The following EPC2 variants were observed in gnomAD, a reference collection of about 807,000 sequenced individuals.
The protein encoded by EPC2 is enhancer of polycomb homolog 2.
In EPC2, 14 loss-of-function variants were observed where a neutral mutation model predicts 92.1. That is an observed-to-expected ratio of 0.15 (90% CI 0.10 to 0.24). The LOEUF is 0.24. Ranked by LOEUF, EPC2 falls within the 10% of genes least tolerant of loss-of-function variation. The probability of loss-of-function intolerance (pLI) is 1.00; values close to 1 mark genes in which losing one functional copy is unlikely to be tolerated. For missense variants in EPC2, 755 were observed against 971.5 expected (o/e 0.78, Z 2.96); for synonymous variants, 340 against 334.7 (o/e 1.02, Z -0.17).
intron 2 of EPC2, among the ~76,000 whole-genome samples, chr2:148,725,920 T>A (rs1280739549): frequency 6.6e-6 from 1 of 152,202 alleles, no homozygotes; most frequent in Non-Finnish European, 1.5e-5. Flanking sequence ...CTAAAACTTT[T>A]ACATTTTGTA....
At chr2:148,692,967 T>C (rs571876732) in intron 2 of EPC2, 22 of 152,270 alleles carry the variant, frequency 1.4e-4, no homozygotes, top group South Asian at 4.1e-4. Flanking sequence ...ACTGCACATA[T>C]GATATTTATT....
intron 11 of EPC2, 77 bp downstream of exon 11, chr2:148,781,857 C>T (rs1368808763): frequency 1.3e-6 from 2 of 1,547,016 alleles, no homozygotes; most frequent in Non-Finnish European, 1.8e-6. Context: ...AGTCAAGTCA[C>T]AGAAGATAAT....
At chr2:148,725,195 TTTTTA>T (rs1250427182) in intron 2 of EPC2, among the ~76,000 whole-genome samples, 4 of 152,126 alleles carry the variant, frequency 2.6e-5, no homozygotes, top group Admixed American at 2.0e-4. Context: ...TTTGTTTTAC[TTTTTA>T]TTTTGAGACT....
chr2:148,660,884 T>C (rs1266224613), intron 1 of EPC2, among the ~76,000 whole-genome samples: 1 of 152,036 alleles, frequency 6.6e-6, no homozygotes, highest in African/African-American at 2.4e-5. Context: ...CTTCAGAATT[T>C]TTTTTGTGTG....
chr2:148,685,539 T>C (rs1284811580), intron 1 of EPC2, among the ~76,000 whole-genome samples: 6 of 152,180 alleles, frequency 3.9e-5, no homozygotes, highest in Admixed American at 1.3e-4. Flanking sequence ...GGTGGGCAGA[T>C]CACGAGGTCA....
chr2:148,683,354 A>AC (rs1344211047), intron 1 of EPC2, among the ~76,000 whole-genome samples: 1 of 148,506 alleles, frequency 6.7e-6, no homozygotes, highest in Non-Finnish European at 1.5e-5. Flanking sequence ...TGCAACCTCC[A>AC]CCTCCCGGGT....
At chr2:148,767,917 T>C (rs1683447856) in intron 7 of EPC2, among the ~76,000 whole-genome samples, 1 of 152,180 alleles carries the variant, frequency 6.6e-6, no homozygotes, top group South Asian at 2.1e-4. Context: ...GGAACCAAAG[T>C]GTAAAATTCA....
At chr2:148,658,607 G>GTATGTA (rs1680856570) in intron 1 of EPC2, among the ~76,000 whole-genome samples, 1 of 141,262 alleles carries the variant, frequency 7.1e-6, no homozygotes, top group South Asian at 2.4e-4. Context: ...GTGTGTGTGT[G>GTATGTA]TATATATATA....
At chr2:148,699,039 G>C (rs969986132) in intron 2 of EPC2, among the ~76,000 whole-genome samples, 1 of 151,900 alleles carries the variant, frequency 6.6e-6, no homozygotes, top group African/African-American at 2.4e-5. Context: ...AGTAATGAAG[G>C]TTTTTGTTTC....
intron 1 of EPC2, among the ~76,000 whole-genome samples, chr2:148,681,300 G>C (rs1384524074): frequency 6.6e-6 from 1 of 152,060 alleles, no homozygotes; most frequent in Admixed American, 6.5e-5. Context: ...CACTGAAGAC[G>C]TGACATTTTA....
At position 148,769,140 on chromosome 2, in the gene EPC2, C is replaced by CT. The variant is rs772106257; in HGVS notation, c.1141-7dup. On this transcript the variant is annotated splice_polypyrimidine_tract_variant and intron_variant, in intron 7 of 13. Coordinates refer to ENST00000258484, the MANE Select transcript of EPC2 (RefSeq NM_015630.4). ...TTGATAACTTCTAAATGGAATGCCT[C>CT]TTTTGTCTAGGTATTGTCCCCAGTA... 15 of 1,599,814 alleles carry CT rather than the reference C, an allele frequency of 9.4e-6. No individual in the cohort carries two copies. The highest frequency in any genetic ancestry group is 1.7e-5 in the Admixed American group (1 of 59,280).
intron 1 of EPC2, among the ~76,000 whole-genome samples, chr2:148,671,198 A>G (rs1206219560): frequency 1.3e-5 from 2 of 151,204 alleles, no homozygotes; most frequent in African/African-American, 4.9e-5. Flanking sequence ...TGGTACTTGC[A>G]TATCTGGTAG....
chr2:148,735,287 G>A (rs893905276), intron 2 of EPC2, among the ~76,000 whole-genome samples: 10 of 151,926 alleles, frequency 6.6e-5, no homozygotes, highest in African/African-American at 2.4e-4. Context: ...AGTTCTTGTT[G>A]TCTCATATTT....
intron 12 of EPC2, 54 bp downstream of exon 12, chr2:148,783,810 T>C (rs894970954): frequency 2.6e-6 from 4 of 1,517,100 alleles, no homozygotes; most frequent in Non-Finnish European, 2.7e-6. Flanking sequence ...AACTCAGTGA[T>C]TGGGAGTTTG....
At chr2:148,704,478 G>GAA (rs1681953721) in intron 2 of EPC2, among the ~76,000 whole-genome samples, 1 of 152,108 alleles carries the variant, frequency 6.6e-6, no homozygotes, top group Non-Finnish European at 1.5e-5. Flanking sequence ...TAATACCACT[G>GAA]AACTGCACAC....
Position 148,760,324 on chromosome 2 carries a change from G to A in EPC2, c.667-1458G>A, listed in dbSNP as rs768171018. On this transcript the variant is annotated intron_variant, in intron 4 of 13. Coordinates refer to ENST00000258484, the MANE Select transcript of EPC2 (RefSeq NM_015630.4). ...GAATAAGACAGGGTAGAACCTCCAA[G>A]AGGAACACTTACTGAACAGGGGAGC... 1.1e-4 allele frequency among the ~76,000 whole-genome samples: 16 copies of A among 152,136 alleles called. No individual in the cohort carries two copies. In the East Asian group the frequency reaches 2.9e-3, roughly 28 times the overall value.
intron 6 of EPC2, among the ~76,000 whole-genome samples, chr2:148,763,936 T>TA (rs1228554570): frequency 6.6e-6 from 1 of 152,220 alleles, no homozygotes; most frequent in Admixed American, 6.5e-5. Context: ...TATGAATAAA[T>TA]ACTCAGCCTT....
intron 1 of EPC2, among the ~76,000 whole-genome samples, chr2:148,648,358 A>G (rs1000877325): frequency 3.3e-5 from 5 of 152,250 alleles, no homozygotes; most frequent in African/African-American, 1.2e-4. Flanking sequence ...ATTTATAAAA[A>G]TGGTTCTGCC....
chr2:148,756,739 C>T (rs1033773464), intron 4 of EPC2, among the ~76,000 whole-genome samples: 2 of 152,204 alleles, frequency 1.3e-5, no homozygotes, highest in African/African-American at 2.4e-5. Context: ...CTTCTCTCTT[C>T]CCTCTGTGAG....
Sources: gnomAD v4.1 joint callset for allele counts (sites outside exome capture counted in the v4.1 genomes callset) on GRCh38, gnomAD v4.1.1 for gene constraint, MANE v1.5 for transcripts, NCBI Gene and HGNC (gene_info 2026-07-23, HGNC 2026-07-21) for gene names.